Variants in PTPRJ observed in about 807,000 individuals in gnomAD.
The protein encoded by PTPRJ is receptor-type tyrosine-protein phosphatase eta.
Under a neutral mutation model 141.3 loss-of-function variants are expected in PTPRJ, and 129 were observed. The observed-to-expected ratio is 0.91, with a 90% CI of 0.79 to 1.06. The LOEUF (loss-of-function observed/expected upper bound fraction) is 1.06. Ranked by LOEUF, PTPRJ falls within the 50% of genes least tolerant of loss-of-function variation. PTPRJ has a pLI of 0.00. For missense variants in PTPRJ, 1,601 were observed against 1,679.7 expected, an observed-to-expected ratio of 0.95 and a Z score of 0.82; for synonymous variants, 610 against 640.5, an observed-to-expected ratio of 0.95 and a Z score of 0.72.
intron 1 of PTPRJ, among the ~76,000 whole-genome samples, chr11:48,065,404 G>A (rs1438366236): frequency 1.3e-5 from 2 of 152,050 alleles, no homozygotes; most frequent in African/African-American, 2.4e-5. Context: ...ACCCCATGCC[G>A]AAATCTGCCT....
intron 7 of PTPRJ, among the ~76,000 whole-genome samples, chr11:48,129,550 A>G (rs1257936858): frequency 1.3e-5 from 2 of 152,112 alleles, no homozygotes; most frequent in East Asian, 3.9e-4. Context: ...ATAAACATAC[A>G]CATTTGGGGG....
At chr11:48,077,995 G>A (rs1234917407) in intron 1 of PTPRJ, among the ~76,000 whole-genome samples, 4 of 152,138 alleles carry the variant, frequency 2.6e-5, no homozygotes, top group Non-Finnish European at 5.9e-5. Flanking sequence ...GGGTGATCAG[G>A]GAAGGTTTTA....
chr11:47,986,087 G>A (rs140847946), intron 1 of PTPRJ, among the ~76,000 whole-genome samples: 46 of 152,286 alleles, frequency 3.0e-4, no homozygotes, highest in African/African-American at 8.9e-4. Flanking sequence ...ATCCTTCCAA[G>A]TAGCCAGGAC....
chr11:48,061,771 CT>C (rs1305972784), intron 1 of PTPRJ, among the ~76,000 whole-genome samples: 1 of 152,096 alleles, frequency 6.6e-6, no homozygotes, highest in Non-Finnish European at 1.5e-5. Flanking sequence ...AATACCCCCC[CT>C]ACTTATTACT....
At position 48,052,913 on chromosome 11, in the gene PTPRJ, C is replaced by A. The variant is rs142298817; in HGVS notation, c.97-57145C>A. ...TACGTGGGCCACCAGCCGCTAGGGG[C>A]CTGGCAGCCACAGAGATGAGGGAAG... On this transcript the variant is annotated intron_variant, in intron 1 of 24. Transcript: ENST00000418331. Among the ~76,000 whole-genome samples, 154 of 151,188 alleles carry A rather than the reference C, an allele frequency of 1.0e-3. 1 individual carries two copies. Among genetic ancestry groups the A allele is most frequent in the Admixed American group, 3.7e-3 (56 of 14,968 alleles).
At chr11:48,157,571 T>C (rs1014612144) in intron 21 of PTPRJ, among the ~76,000 whole-genome samples, 1 of 152,246 alleles carries the variant, frequency 6.6e-6, no homozygotes, top group South Asian at 2.1e-4. Context: ...ATTCTACTGC[T>C]GTGGCACCAG....
At chr11:48,157,550 G>C (rs1857642614) in intron 21 of PTPRJ, among the ~76,000 whole-genome samples, 1 of 152,224 alleles carries the variant, frequency 6.6e-6, no homozygotes, top group South Asian at 2.1e-4. Flanking sequence ...GTTTCTGCCA[G>C]TTTCTGGGTG....
At chr11:48,066,441 G>C (rs2134266663) in intron 1 of PTPRJ, among the ~76,000 whole-genome samples, 1 of 152,122 alleles carries the variant, frequency 6.6e-6, no homozygotes, top group Non-Finnish European at 1.5e-5. Flanking sequence ...GTCAGCCCCA[G>C]GGCACAGGGT....
rs1394085337 is a variant in PTPRJ, at chr11:48,170,689, T to C, written c.*3327T>C. The C allele has an allele frequency of 6.6e-6, 1 of 151,738 alleles. No individual in the cohort carries two copies. Among genetic ancestry groups the C allele is most frequent in the Non-Finnish European group, 1.5e-5 (1 of 68,008 alleles). The allele number at this position is 151,738 out of a possible 1,614,324, so 9.4% of individuals were successfully genotyped here. On this transcript the variant is annotated 3_prime_UTR_variant, in exon 25 of 25. Coordinates refer to ENST00000418331, the MANE Select transcript of PTPRJ (RefSeq NM_002843.4). The stretch of plus-strand genomic sequence containing the variant: ...TGGACTCTAAACTGTAATTTTCCTG[T>C]AACTATTTTGGAATGATGCATATTT...
At chr11:48,092,691 A>G (rs112127289) in intron 1 of PTPRJ, among the ~76,000 whole-genome samples, 35 of 152,228 alleles carry the variant, frequency 2.3e-4, no homozygotes, top group African/African-American at 7.9e-4. Context: ...CAGCCTCCCA[A>G]AGTGCTGGGA....
Position 48,136,276 on chromosome 11 carries a change from A to C in PTPRJ, c.1853A>C (p.Asn618Thr). 12 of 1,614,018 alleles carry C rather than the reference A, an allele frequency of 7.4e-6. No individual in the cohort carries two copies. Among genetic ancestry groups the C allele is most frequent in the Non-Finnish European group, 1.0e-5 (12 of 1,179,998 alleles). Residue 618 changes from asparagine (N) to threonine (T), a missense_variant, in exon 9 of 25, where the codon AAC becomes ACC. Physicochemically the swap from Asn to Thr is moderately conservative, Grantham distance 65. Coordinates refer to ENST00000418331, the MANE Select transcript of PTPRJ (RefSeq NM_002843.4). The stretch of plus-strand genomic sequence containing the variant: ...GTGGACCACGTCTGGGGGGACCCCA[A>C]CTCCACTGCACAGTACACACGTAAG... ...PEVDHVWGDP[N>T]STAQYTRPSN...
At position 48,167,402 on chromosome 11, in the gene PTPRJ, G is replaced by T; in HGVS notation, c.*40G>T. ...CCTTTCTGGAGTGAACCAGACCGTC[G>T]CACCCACAGCGAAGGCACATGCCCC... On this transcript the variant is annotated 3_prime_UTR_variant, in exon 25 of 25. Coordinates refer to ENST00000418331, the MANE Select transcript of PTPRJ (RefSeq NM_002843.4). The T allele has an allele frequency of 3.1e-6, 5 of 1,587,822 alleles. No individual in the cohort carries two copies. The highest frequency in any genetic ancestry group is 4.3e-6 in the Non-Finnish European group (5 of 1,161,960).
At chr11:48,070,690 A>C (rs1019337350) in intron 1 of PTPRJ, among the ~76,000 whole-genome samples, 1 of 152,214 alleles carries the variant, frequency 6.6e-6, no homozygotes, top group African/African-American at 2.4e-5. Context: ...TAATACGCTT[A>C]TGCGAGGGGA....
At chr11:48,163,892 G>T (rs949625544) in intron 23 of PTPRJ, among the ~76,000 whole-genome samples, 4 of 152,080 alleles carry the variant, frequency 2.6e-5, no homozygotes, top group Non-Finnish European at 4.4e-5. Flanking sequence ...TATTGTTTAT[G>T]GTTGCTTTTC....
intron 1 of PTPRJ, among the ~76,000 whole-genome samples, chr11:48,018,701 C>G (rs922527441): frequency 6.6e-6 from 1 of 152,164 alleles, no homozygotes; most frequent in Non-Finnish European, 1.5e-5. Flanking sequence ...CCAGCAAATC[C>G]TTCCCTCCGA....
chr11:48,006,017 C>G (rs1478184708), intron 1 of PTPRJ, among the ~76,000 whole-genome samples: 3 of 152,188 alleles, frequency 2.0e-5, no homozygotes, highest in Non-Finnish European at 4.4e-5. Flanking sequence ...GGCCCAGAGG[C>G]TGTGTGGTGC....
At chr11:48,088,628 A>G (rs536832472) in intron 1 of PTPRJ, among the ~76,000 whole-genome samples, 34 of 152,294 alleles carry the variant, frequency 2.2e-4, no homozygotes, top group South Asian at 6.2e-4. Context: ...TGGGCCCTCT[A>G]TAGAGGTCAT....
At chr11:48,109,963 A>C in intron 1 of PTPRJ, 95 bp from the exon 2 acceptor site, 1 of 1,390,582 alleles carries the variant, frequency 7.2e-7, no homozygotes, top group Non-Finnish European at 1.0e-6. Context: ...TTACCACCCC[A>C]CCCCCATTAT....
intron 9 of PTPRJ, 142 bp downstream of exon 9, chr11:48,136,438 A>G (rs946466452): frequency 8.7e-6 from 9 of 1,032,908 alleles, no homozygotes; most frequent in Non-Finnish European, 1.1e-5. Flanking sequence ...GGTCTCAGCA[A>G]TGGTTCTGCT....
Sources: allele counts gnomAD v4.1 joint callset (sites outside exome capture counted in the v4.1 genomes callset), GRCh38; gene constraint gnomAD v4.1.1; transcripts MANE v1.5; gene names NCBI Gene and HGNC (gene_info 2026-07-23, HGNC 2026-07-21).